ALKAL1: variants seen among roughly 807,000 people sequenced by gnomAD.
ALKAL1 encodes AUG-beta.
A neutral mutation model predicts 13.5 loss-of-function variants in ALKAL1; 23 were observed. That is an observed-to-expected ratio of 1.70 (90% confidence interval 1.23 to 2.41). ALKAL1 has a LOEUF of 2.41. Among genes scored for constraint, ALKAL1 ranks in the 30% most tolerant of loss-of-function variants. The pLI, the probability that ALKAL1 is intolerant of heterozygous loss-of-function variation, is 0.00. For synonymous variants in ALKAL1, 85 were observed against 77.7 expected, an observed-to-expected ratio of 1.09 and a Z score of -0.49; for missense variants, 181 against 178.4, an observed-to-expected ratio of 1.01 and a Z score of -0.08.
intron 1 of ALKAL1, among the ~76,000 whole-genome samples, chr8:52,557,149 T>C (rs572242346): frequency 2.0e-4 from 31 of 152,294 alleles, no homozygotes; most frequent in African/African-American, 5.3e-4. Context: ...TAAACAAATA[T>C]AACCAAGCTT....
intron 1 of ALKAL1, among the ~76,000 whole-genome samples, chr8:52,557,964 C>T: frequency 8.5e-6 from 1 of 117,208 alleles, no homozygotes; most frequent in African/African-American, 3.2e-5. Flanking sequence ...GAGACTATGT[C>T]TGAAAAAAAA....
At chr8:52,547,236 G>A (rs570274697) in intron 1 of ALKAL1, among the ~76,000 whole-genome samples, 4 of 152,196 alleles carry the variant, frequency 2.6e-5, no homozygotes, top group East Asian at 3.9e-4. Flanking sequence ...GGTGGCTCAC[G>A]CCCATAATTC....
At chr8:52,542,497 T>A in intron 1 of ALKAL1, 52 bp from the exon 2 acceptor site, 2 of 1,125,354 alleles carry the variant, frequency 1.8e-6, no homozygotes, top group Non-Finnish European at 2.6e-6. Context: ...TTCTCCCATT[T>A]AAAAATATCC....
At chr8:52,558,936 C>T (rs1181190141) in intron 1 of ALKAL1, among the ~76,000 whole-genome samples, 1 of 152,028 alleles carries the variant, frequency 6.6e-6, no homozygotes, top group Admixed American at 6.6e-5. Context: ...CCTCAGGCTG[C>T]TTCCACTCAT....
chr8:52,557,083 T>C (rs1292298470), intron 1 of ALKAL1, among the ~76,000 whole-genome samples: 1 of 152,222 alleles, frequency 6.6e-6, no homozygotes, highest in Non-Finnish European at 1.5e-5. Context: ...ACGTGTAACT[T>C]GTTGTTTTTC....
chr8:52,542,084 C>T (rs1847319058), intron 2 of ALKAL1, among the ~76,000 whole-genome samples: 1 of 152,184 alleles, frequency 6.6e-6, no homozygotes, highest in Non-Finnish European at 1.5e-5. Context: ...TCTCCCTCAC[C>T]ACGGGAAAGC....
intron 1 of ALKAL1, among the ~76,000 whole-genome samples, chr8:52,559,255 G>A (rs1247038788): frequency 6.6e-6 from 1 of 152,132 alleles, no homozygotes; most frequent in East Asian, 1.9e-4. Context: ...GGGCTTAATC[G>A]TTATGTTCCC....
chr8:52,538,338 A>G, intron 4 of ALKAL1, 93 bp downstream of exon 4: 1 of 723,656 alleles, frequency 1.4e-6, no homozygotes, highest in Non-Finnish European at 2.4e-6. Context: ...AAATATGTAC[A>G]ATCATTATGT....
chr8:52,563,802 T>C (rs1413725968), intron 1 of ALKAL1, among the ~76,000 whole-genome samples: 1 of 152,048 alleles, frequency 6.6e-6, no homozygotes, highest in Non-Finnish European at 1.5e-5. Flanking sequence ...GCAGCCCACC[T>C]CAGCCTCCCA....
chr8:52,564,219 G>A (rs1563324725), intron 1 of ALKAL1, among the ~76,000 whole-genome samples: 1 of 152,120 alleles, frequency 6.6e-6, no homozygotes, highest in African/African-American at 2.4e-5. Flanking sequence ...CAGCCTCGCC[G>A]GCAGCTTCAC....
intron 1 of ALKAL1, among the ~76,000 whole-genome samples, chr8:52,554,717 G>T (rs1847463256): frequency 6.6e-6 from 1 of 152,106 alleles, no homozygotes; most frequent in Non-Finnish European, 1.5e-5. Flanking sequence ...GGAACCTTGG[G>T]GTACACAAAC....
intron 4 of ALKAL1, among the ~76,000 whole-genome samples, chr8:52,536,076 C>A (rs1303811125): frequency 6.6e-6 from 1 of 152,122 alleles, no homozygotes; most frequent in Non-Finnish European, 1.5e-5. Context: ...GTAGCTGGGA[C>A]TACAGGCACG....
intron 1 of ALKAL1, among the ~76,000 whole-genome samples, chr8:52,546,504 T>C (rs1294205333): frequency 2.6e-5 from 4 of 152,238 alleles, no homozygotes; most frequent in South Asian, 2.1e-4. Flanking sequence ...TTGCTTTGGC[T>C]TACTCAGGCA....
intron 1 of ALKAL1, among the ~76,000 whole-genome samples, chr8:52,559,951 T>A (rs1847530638): frequency 6.6e-6 from 1 of 152,088 alleles, no homozygotes; most frequent in African/African-American, 2.4e-5. Flanking sequence ...TTCAATTTCT[T>A]CTGAAAAAAG....
intron 1 of ALKAL1, among the ~76,000 whole-genome samples, chr8:52,542,717 G>T (rs1847325971): frequency 6.6e-6 from 1 of 152,194 alleles, no homozygotes; most frequent in East Asian, 1.9e-4. Flanking sequence ...CCTCTGCCCA[G>T]ACCTGTTTCT....
chr8:52,546,527 C>A (rs1847370938), intron 1 of ALKAL1, among the ~76,000 whole-genome samples: 1 of 152,336 alleles, frequency 6.6e-6, no homozygotes, highest in South Asian at 2.1e-4. Flanking sequence ...TCTGGACAGG[C>A]CCAGGCAAGT....
rs768301155 is a variant in ALKAL1, at chr8:52,538,477, C to A, written c.356G>T (p.Arg119Ile). The stretch of plus-strand genomic sequence containing the variant: ...GGAGCACAGTGGACTCACTGCTAAT[C>A]TTGTTAACAATCTAGCACATCTTTT... Reference protein sequence around the residue: ...YYKRCARLLTRLAVSPLCSQT With the variant: ...YYKRCARLLTILAVSPLCSQT Residue 119 changes from arginine (R) to isoleucine (I), a missense_variant, in exon 4 of 5, where the codon AGA becomes ATA. Coordinates refer to ENST00000358543, the MANE Select transcript of ALKAL1 (RefSeq NM_207413.4). 3 of 1,610,848 alleles carry A rather than the reference C, an allele frequency of 1.9e-6. No individual in the cohort carries two copies. The highest frequency in any genetic ancestry group is 2.2e-5 in the South Asian group (2 of 90,790).
Position 52,534,624 on chromosome 8 carries a change from T to C in ALKAL1, c.*13-24A>G, listed in dbSNP as rs1847249880. 1.0e-5 allele frequency: 6 copies of C among 590,966 alleles called. No homozygotes were observed. The East Asian group carries it at 1.5e-4, about 15-fold the overall frequency. The allele number at this position is 590,966 out of a possible 1,614,324, so 36.6% of individuals were successfully genotyped here. ...GTCTGTGGGGGTAAAAGAAGAGCCA[T>C]ATCATTTATGACCTGGTTTTTAGAA... On this transcript the variant is annotated intron_variant, in intron 4 of 4. Transcript: ENST00000358543.
chr8:52,543,385 G>A (rs1488260472), intron 1 of ALKAL1, among the ~76,000 whole-genome samples: 1 of 152,182 alleles, frequency 6.6e-6, no homozygotes, highest in East Asian at 1.9e-4. Flanking sequence ...ACTGAGGCTT[G>A]GTAAATGCAG....
Sources: gnomAD v4.1 joint callset for allele counts (sites outside exome capture counted in the v4.1 genomes callset) on GRCh38, gnomAD v4.1.1 for gene constraint, MANE v1.5 for transcripts, NCBI Gene and HGNC (gene_info 2026-07-23, HGNC 2026-07-21) for gene names.